Variants in NLRP1 observed in about 807,000 individuals in gnomAD.
NLRP1 encodes NLR family pyrin domain containing 1.
A neutral mutation model predicts 136.7 loss-of-function variants in NLRP1; 94 were observed. The ratio of observed to expected loss-of-function variants is 0.69; its 90% CI spans 0.58 to 0.82. The LOEUF (loss-of-function observed/expected upper bound fraction) is 0.82. Ranked by LOEUF, NLRP1 falls within the 40% of genes least tolerant of loss-of-function variation. NLRP1 has a pLI of 0.00. For synonymous variants in NLRP1, 690 were observed against 725.1 expected (o/e 0.95, Z 0.78); for missense variants, 1,575 against 1,802.7 (o/e 0.87, Z 2.29).
intron 3 of NLRP1, among the ~76,000 whole-genome samples, chr17:5,579,861 T>C (rs1886624747): frequency 6.6e-6 from 1 of 152,096 alleles, no homozygotes; most frequent in Non-Finnish European, 1.5e-5. Context: ...AGGTAAACAT[T>C]GCGTACACAT....
Position 5,559,411 on chromosome 17 carries a change from G to A in NLRP1, c.1285C>T (p.His429Tyr). 1 of 1,614,092 alleles carries A rather than the reference G, an allele frequency of 6.2e-7. No homozygotes were observed. Among genetic ancestry groups the A allele is most frequent in the Non-Finnish European group, 8.5e-7 (1 of 1,179,994 alleles). Reference sequence around the variant, plus strand: ...TCCGCCGGCTGTGGCTGGCTCCAGTGCAGACAGAGCTCAGAACTCGGCTCC... The same window carrying A: ...TCCGCCGGCTGTGGCTGGCTCCAGTACAGACAGAGCTCAGAACTCGGCTCC... ...LQEPSSELCL[H>Y]WSQPQPADAL... Residue 429 changes from histidine to tyrosine, a missense_variant, in exon 4 of 17, where the codon CAC becomes TAC. Transcript: ENST00000572272.
chr17:5,572,793 A>C (rs1427261773), intron 3 of NLRP1, among the ~76,000 whole-genome samples: 1 of 152,232 alleles, frequency 6.6e-6, no homozygotes, highest in East Asian at 1.9e-4. Flanking sequence ...AGCATATGAA[A>C]AAATGCTCAA....
In NLRP1 at chr17:5,515,340, C is replaced by A. The variant is rs118035481; in HGVS notation, c.4102+133G>T. The A allele has an allele frequency of 1.4e-5, 12 of 830,452 alleles. No homozygotes were observed. The Middle Eastern group carries it at 8.9e-4, about 62-fold the overall frequency. 51.4% of individuals were successfully genotyped at this position (830,452 alleles called of 1,614,324 possible). ...GGGGGTATGGGGAGCGACCATGCAC[C>A]GCTCTCCAGGGCCTGACTCTTTGTG... On this transcript the variant is annotated intron_variant, in intron 16 of 16. Transcript: ENST00000572272.
intron 12 of NLRP1, among the ~76,000 whole-genome samples, chr17:5,524,452 A>T (rs1909282758): frequency 6.6e-6 from 1 of 152,210 alleles, no homozygotes; most frequent in Non-Finnish European, 1.5e-5. Flanking sequence ...CCTGCAATGC[A>T]CATATTCTGC....
At chr17:5,534,634 T>TG (rs1468036842) in intron 8 of NLRP1, among the ~76,000 whole-genome samples, 6 of 152,182 alleles carry the variant, frequency 3.9e-5, no homozygotes, top group African/African-American at 1.4e-4. Flanking sequence ...CCCGCACCAC[T>TG]GCAGCATCCT....
intron 4 of NLRP1, among the ~76,000 whole-genome samples, chr17:5,555,458 G>A (rs1017855854): frequency 3.3e-5 from 5 of 152,002 alleles, no homozygotes; most frequent in African/African-American, 7.3e-5. Context: ...ACTTTCCCAC[G>A]GCATTCTCTT....
Position 5,559,923 on chromosome 17 carries a change from G to A in NLRP1, c.773C>T (p.Ser258Phe). The A allele has an allele frequency of 6.2e-7, 1 of 1,614,224 alleles. No homozygotes were observed. Among genetic ancestry groups the A allele is most frequent in the Non-Finnish European group, 8.5e-7 (1 of 1,180,040 alleles). The change falls in exon 4 of 17, where the codon TCT becomes TTT. Residue 258 changes from serine to phenylalanine, a missense_variant. Transcript: ENST00000572272. ...TGTGGAACAGAGGCTCTCTCTCACA[G>A]AAGGCTCCCATGGGTGGTGGTGGGG... ...LQPHHHPWEP[S>F]VRESLCSTWP... is the part of the protein sequence containing the mutation.
At chr17:5,582,606 G>C in intron 2 of NLRP1, 64 bp downstream of exon 2, 1 of 1,505,364 alleles carries the variant, frequency 6.6e-7, no homozygotes, top group Non-Finnish European at 9.1e-7. Flanking sequence ...GATCCTCTGG[G>C]TGGGGCCCAC....
intron 3 of NLRP1, among the ~76,000 whole-genome samples, chr17:5,570,849 G>A (rs1216550049): frequency 6.6e-6 from 1 of 152,090 alleles, no homozygotes; most frequent in African/African-American, 2.4e-5. Flanking sequence ...GAACATAGCT[G>A]CAAAAATCTT....
At chr17:5,529,369 CTT>C (rs770430967) in intron 12 of NLRP1, among the ~76,000 whole-genome samples, 20 of 138,600 alleles carry the variant, frequency 1.4e-4, no homozygotes, top group Admixed American at 2.2e-4. Context: ...ATTGTTTATT[CTT>C]TTTTTTTTTT....
rs748825605 is a variant in NLRP1, at chr17:5,558,736, C to T, written c.1960G>A (p.Glu654Lys). The T allele has an allele frequency of 1.9e-6, 3 of 1,614,198 alleles. No homozygotes were observed. The highest frequency in any genetic ancestry group is 3.3e-5 in the Admixed American group (2 of 60,016). ...GKHSNCIIDL[E>K]KTLEAYGIHG... is the part of the protein sequence containing the mutation. ...ATTCCATATGCTTCTAGCGTCTTTT[C>T]CAAATCTATGATGCAATTAGAATGT... The change falls in exon 4 of 17, where the codon GAA (glutamate) becomes AAA (lysine). Residue 654 changes from glutamate to lysine, a missense_variant. By Grantham distance (56) the Glu-to-Lys change is moderately conservative. Coordinates refer to ENST00000572272, the MANE Select transcript of NLRP1 (RefSeq NM_033004.4).
At chr17:5,529,276 A>AT (rs1343924621) in intron 12 of NLRP1, among the ~76,000 whole-genome samples, 1 of 52,454 alleles carries the variant, frequency 1.9e-5, no homozygotes, top group Non-Finnish European at 3.3e-5. Flanking sequence ...TGAATATTCT[A>AT]TTTTTTTCCC....
chr17:5,533,724 G>A (rs1452205835), intron 9 of NLRP1, among the ~76,000 whole-genome samples, 173 bp downstream of exon 9: 8 of 151,952 alleles, frequency 5.3e-5, no homozygotes, highest in East Asian at 1.9e-4. Context: ...AGAGGGTAAC[G>A]GAAATCCAGC....
chr17:5,537,012 C>T lies in NLRP1; in HGVS notation c.2871-72G>A. 9.3e-7 allele frequency: 1 copy of T among 1,075,590 alleles called. No homozygotes were observed. The highest frequency in any genetic ancestry group is 1.4e-6 in the Non-Finnish European group (1 of 695,628). The allele number at this position is 1,075,590 out of a possible 1,614,324, so 66.6% of individuals were successfully genotyped here. On this transcript the variant is annotated intron_variant, in intron 7 of 16. Transcript: ENST00000572272. This position sits in a 1 kb window ranked among gnomAD's most constrained non-coding sequence, Gnocchi z 4.5. ...TCCCCAGGTCCCCAGGGCCCAGAATCCTGGGACCTGTCACCTTCTGAGGCA... is the reference window on the plus strand; with the variant it reads ...TCCCCAGGTCCCCAGGGCCCAGAATTCTGGGACCTGTCACCTTCTGAGGCA...
chr17:5,557,897 C>T (rs570006813), intron 4 of NLRP1, among the ~76,000 whole-genome samples: 3 of 152,168 alleles, frequency 2.0e-5, no homozygotes, highest in South Asian at 2.1e-4. Context: ...GGGCCAATGT[C>T]GTTGTCATGG....
rs764488446 is a variant in NLRP1 at position 5,559,444 on chromosome 17, C to T, written c.1252G>A (p.Val418Ile). Residue 418 changes from valine to isoleucine, a missense_variant, in exon 4 of 17, where the codon GTC becomes ATC. Coordinates refer to ENST00000572272, the MANE Select transcript of NLRP1 (RefSeq NM_033004.4). ...AGCTCAGAACTCGGCTCCTGCAAGA[C>T]CCATCCTGGCTCATCTACACCATCG... ...ILDGVDEPGW[V>I]LQEPSSELCL... 47 of 1,613,668 alleles carry T rather than the reference C, an allele frequency of 2.9e-5. No individual in the cohort carries two copies. In the Admixed American group the frequency reaches 5.0e-4, roughly 17 times the overall value.
At chr17:5,578,592 A>G (rs1427892571) in intron 3 of NLRP1, among the ~76,000 whole-genome samples, 2 of 152,262 alleles carry the variant, frequency 1.3e-5, no homozygotes, top group African/African-American at 4.8e-5. Context: ...AATGGTGAAT[A>G]TTAAAAAGTC....
exon 16 of NLRP1, chr17:5,501,754 C>T: frequency 7.0e-7 from 1 of 1,435,964 alleles, no homozygotes; most frequent in Non-Finnish European, 9.8e-7. Flanking sequence ...CTACTCAGGC[C>T]TCCTTGTCAT....
chr17:5,553,603 G>A, intron 4 of NLRP1, 47 bp from the exon 5 acceptor site: 1 of 1,563,746 alleles, frequency 6.4e-7, no homozygotes, highest in African/African-American at 1.3e-5. Flanking sequence ...TGTCTGGCAG[G>A]GGTTTGAGGT....
Sources: allele counts gnomAD v4.1 joint callset (sites outside exome capture counted in the v4.1 genomes callset), GRCh38; gene constraint gnomAD v4.1.1; non-coding constraint Gnocchi (gnomAD v3.1); transcripts MANE v1.5; gene names NCBI Gene and HGNC (gene_info 2026-07-23, HGNC 2026-07-21).